The following CCNB3 variants were observed in gnomAD, a reference collection of about 807,000 sequenced individuals.
CCNB3 encodes the protein G2/mitotic-specific cyclin-B3.
CCNB3 carries 12 observed loss-of-function variants against 68.0 expected under a neutral mutation model. The ratio of observed to expected loss-of-function variants is 0.18; its 90% confidence interval spans 0.11 to 0.29. CCNB3 has a LOEUF of 0.29. CCNB3 is among the 10% of genes least tolerant of loss of function. The pLI is 1.00. For synonymous variants in CCNB3, 354 were observed against 388.9 expected (o/e 0.91, Z 1.06); for missense variants, 904 against 993.1 (o/e 0.91, Z 1.21).
At chrX:50,282,182 T>C in intron 1 of CCNB3, among the ~76,000 whole-genome samples, 1 of 111,326 alleles carries the variant, frequency 9.0e-6, no homozygotes, top group East Asian at 2.8e-4. Flanking sequence ...GCGAGGAGGC[T>C]CTAGTTCCAC....
upstream of CCNB3, among the ~76,000 whole-genome samples, chrX:50,203,104 C>G: frequency 8.9e-6 from 1 of 111,753 alleles, no homozygotes; most frequent in Non-Finnish European, 1.9e-5. Context: ...AAGCCTTGGT[C>G]ATCATTTTTT....
chrX:50,294,602 C>T lies in CCNB3; in HGVS notation c.205-261C>T, dbSNP rs1276497227. ...GAGCACAGAACTACATCCTGTATCT[C>T]TTGGAAACACATAGGGCTGCTAGTT... On this transcript the variant is annotated intron_variant, in intron 4 of 12. Coordinates refer to ENST00000376042, the MANE Select transcript of CCNB3 (RefSeq NM_033031.3). Among the ~76,000 whole-genome samples the T allele has an allele frequency of 2.3e-4, 26 of 111,507 alleles. 1 individual carries two copies. The highest frequency in any genetic ancestry group is 1.9e-5 in the Non-Finnish European group (1 of 53,123).
chrX:50,306,904 A>C (rs1417952761), intron 5 of CCNB3, among the ~76,000 whole-genome samples: 1 of 111,708 alleles, frequency 9.0e-6, no homozygotes, highest in Non-Finnish European at 1.9e-5. Context: ...ATCTATATTC[A>C]TAAGAGGTAT....
intron 9 of CCNB3, among the ~76,000 whole-genome samples, chrX:50,344,801 T>A (rs1414375501): frequency 9.0e-6 from 1 of 111,725 alleles, no homozygotes; most frequent in Non-Finnish European, 1.9e-5. Flanking sequence ...GTAGCTGACC[T>A]TTTCTTCATG....
intron 1 of CCNB3, among the ~76,000 whole-genome samples, chrX:50,279,544 T>C (rs1257021778): frequency 7.1e-5 from 6 of 84,999 alleles, no homozygotes; most frequent in Non-Finnish European, 1.3e-4. Flanking sequence ...TATATATTCA[T>C]ATATATAAAT....
chrX:50,283,577 A>T (rs1174019768), intron 1 of CCNB3, among the ~76,000 whole-genome samples: 1 of 111,093 alleles, frequency 9.0e-6, no homozygotes, highest in East Asian at 2.8e-4. Context: ...CTTTCCCCTC[A>T]AGCTGCAGAC....
Position 50,351,902 on chromosome X carries a change from G to A in CCNB3, c.*199G>A, listed in dbSNP as rs782179745. The A allele has an allele frequency of 5.6e-6, 2 of 359,255 alleles. No individual in the cohort carries two copies. The highest frequency in any genetic ancestry group is 1.2e-4 in the South Asian group (2 of 17,178). The allele number at this position is 359,255 out of a possible 1,213,427, so 29.6% of individuals were successfully genotyped here. A position where few individuals can be genotyped will look rare whatever the true frequency, so the allele number is the denominator to read the frequency against. Reference sequence around the variant, plus strand: ...CTACAAATTTAATAAAAAATTAATGGTTATTGTTAAAATGGCTCATTTCCC... The same window carrying A: ...CTACAAATTTAATAAAAAATTAATGATTATTGTTAAAATGGCTCATTTCCC... On this transcript the variant is annotated 3_prime_UTR_variant, in exon 13 of 13. Coordinates refer to ENST00000376042, the MANE Select transcript of CCNB3 (RefSeq NM_033031.3).
intron 8 of CCNB3, 165 bp from the exon 9 acceptor site, chrX:50,342,037 G>A (rs1048524466): frequency 7.7e-6 from 4 of 516,939 alleles, no homozygotes; most frequent in Non-Finnish European, 1.3e-5. Flanking sequence ...AGGCACAGGA[G>A]ATATACACAG....
intron 6 of CCNB3, among the ~76,000 whole-genome samples, chrX:50,312,228 C>T (rs781911996): frequency 1.8e-5 from 2 of 111,140 alleles, no homozygotes; most frequent in Non-Finnish European, 3.8e-5. Context: ...CCTAAGAAGA[C>T]AGGTAACAAA....
At chrX:50,294,143 G>A (rs1184978194) in intron 4 of CCNB3, among the ~76,000 whole-genome samples, 2 of 110,441 alleles carry the variant, frequency 1.8e-5, no homozygotes, top group African/African-American at 6.6e-5. Flanking sequence ...GTCTCCCTAT[G>A]TTGCCCAGGC....
At position 50,301,935 on chromosome X, in the gene CCNB3, T is replaced by G. The variant is rs782800046; in HGVS notation, c.336-6570T>G. Among the ~76,000 whole-genome samples, 3 of 112,689 alleles carry G rather than the reference T, an allele frequency of 2.7e-5. No individual in the cohort carries two copies. In the East Asian group the frequency reaches 8.4e-4, roughly 32 times the overall value. On this transcript the variant is annotated intron_variant, in intron 5 of 12. Coordinates refer to ENST00000376042, the MANE Select transcript of CCNB3 (RefSeq NM_033031.3). ...TGTGGGCATAGGACCCTCCGAGCCA[T>G]GTGCGGGATATAATCTCCTGGTGTG...
chrX:50,226,203 T>TATATATATTTATATATATAGA (rs1935771034), intron 1 of CCNB3, among the ~76,000 whole-genome samples: 1 of 65,224 alleles, frequency 1.5e-5, no homozygotes, highest in Non-Finnish European at 2.4e-5. Flanking sequence ...ATATATAGAA[T>TATATATATTTATATATATAGA]ATATATATTT....
intron 1 of CCNB3, among the ~76,000 whole-genome samples, chrX:50,282,612 T>G (rs1213007609): frequency 1.8e-5 from 2 of 111,487 alleles, no homozygotes; most frequent in East Asian, 5.6e-4. Context: ...GAGAGTGTCC[T>G]TTTATGAAAG....
At chrX:50,300,205 G>A (rs927435122) in intron 5 of CCNB3, among the ~76,000 whole-genome samples, 25 of 111,666 alleles carry the variant, frequency 2.2e-4, no homozygotes, top group African/African-American at 7.8e-4. Context: ...TTGCTCATTA[G>A]TTGGTGCAGT....
At chrX:50,344,863 T>C (rs1923320535) in intron 9 of CCNB3, among the ~76,000 whole-genome samples, 1 of 111,813 alleles carries the variant, frequency 8.9e-6, no homozygotes, top group Non-Finnish European at 1.9e-5. Context: ...AGGTGCTAAC[T>C]GATCTTGTTC....
chrX:50,221,629 G>C (rs1301817088), intron 1 of CCNB3, among the ~76,000 whole-genome samples: 1 of 111,798 alleles, frequency 8.9e-6, no homozygotes, highest in Non-Finnish European at 1.9e-5. Flanking sequence ...TTGCACTGTG[G>C]TCTGACGGAC....
intron 1 of CCNB3, among the ~76,000 whole-genome samples, chrX:50,279,783 T>A (rs1257134561): frequency 2.2e-5 from 2 of 89,646 alleles, no homozygotes; most frequent in Non-Finnish European, 4.2e-5. Context: ...TATATTCATA[T>A]ATGTAAATAT....
chrX:50,347,685 G>C lies in CCNB3; in HGVS notation c.3870G>C (p.Leu1290=). The C allele has an allele frequency of 8.3e-7, 1 of 1,210,819 alleles. No individual in the cohort carries two copies. Among genetic ancestry groups the C allele is most frequent in the Non-Finnish European group, 1.1e-6 (1 of 895,072 alleles). The change falls in exon 11 of 13, where the codon CTG becomes CTC. Residue 1290 remains leucine, a synonymous_variant. Transcript: ENST00000376042. ...TLSRYICEMT[L]QEYHYVQEKA... is the part of the protein sequence containing the mutation. ...CCCGCTACATCTGCGAGATGACCCT[G>C]CAGGAATACCACTATGTCCAGGAGA...
chrX:50,328,989 C>T (rs1446583462), intron 8 of CCNB3, among the ~76,000 whole-genome samples: 2 of 112,678 alleles, frequency 1.8e-5, no homozygotes, highest in Non-Finnish European at 3.8e-5. Context: ...CCTTTGACTC[C>T]GTGTTCCACA....
Sources: allele counts gnomAD v4.1 joint callset (sites outside exome capture counted in the v4.1 genomes callset), GRCh38; gene constraint gnomAD v4.1.1; transcripts MANE v1.5; gene names NCBI Gene and HGNC (gene_info 2026-07-23, HGNC 2026-07-21).